AKAP19: variants seen among roughly 807,000 people sequenced by gnomAD.
AKAP19 encodes small A-kinase anchoring protein.
At chr2:190,094,499 C>A in the AKAP19 span, among the ~76,000 whole-genome samples, 5 of 152,320 alleles carry the variant, frequency 3.3e-5, no homozygotes, top group Non-Finnish European at 5.9e-5. Flanking sequence ...TCTTTCCATG[C>A]AGCTTAGGTT....
the AKAP19 span, among the ~76,000 whole-genome samples, chr2:190,092,298 T>G: frequency 3.6e-4 from 55 of 152,318 alleles, no homozygotes; most frequent in Non-Finnish European, 7.4e-4. Flanking sequence ...TGTAAGAGAA[T>G]GTACTTACTG....
the AKAP19 span, among the ~76,000 whole-genome samples, chr2:190,112,690 T>C: frequency 2.0e-5 from 3 of 152,176 alleles, no homozygotes; most frequent in Non-Finnish European, 2.9e-5. Context: ...TTTCTGATTT[T>C]AACCATACTT....
At chr2:189,998,771 C>CTTTTTTTTTTTTTTTTTTTTTTTTTT in the AKAP19 span, among the ~76,000 whole-genome samples, 67 of 97,542 alleles carry the variant, frequency 6.9e-4, no homozygotes, top group Non-Finnish European at 8.2e-4. Context: ...TTCTTTCTTT[C>CTTTTTTTTTTTTTTTTTTTTTTTTTT]TTTTTTTTTT....
At chr2:190,177,026 GTTA>G in the AKAP19 span, among the ~76,000 whole-genome samples, 1 of 152,048 alleles carries the variant, frequency 6.6e-6, no homozygotes, top group East Asian at 1.9e-4. The surrounding 1 kb of genome is among the most constrained non-coding windows in gnomAD (Gnocchi z 4.6). Flanking sequence ...CCAGTGGACT[GTTA>G]TTATATGAGA....
At chr2:189,946,528 C>T in the AKAP19 span, among the ~76,000 whole-genome samples, 1 of 152,132 alleles carries the variant, frequency 6.6e-6, no homozygotes, top group Admixed American at 6.5e-5. Context: ...CTGAAAGTAG[C>T]ATTGGAACAT....
chr2:189,998,711 T>C, the AKAP19 span, among the ~76,000 whole-genome samples: 6 of 151,840 alleles, frequency 4.0e-5, no homozygotes, highest in African/African-American at 1.4e-4. Flanking sequence ...TCAATAATTT[T>C]ATTTATTGCT....
At chr2:189,906,337 A>T in the AKAP19 span, among the ~76,000 whole-genome samples, 1 of 152,132 alleles carries the variant, frequency 6.6e-6, no homozygotes, top group Non-Finnish European at 1.5e-5. Flanking sequence ...AATACAGAAT[A>T]TAAAAGGAGA....
chr2:190,198,631 CAAAAAA>C, the AKAP19 span, among the ~76,000 whole-genome samples: 28 of 70,588 alleles, frequency 4.0e-4, no homozygotes, highest in South Asian at 6.6e-4. Context: ...GACCCTGTCT[CAAAAAA>C]AAAAAAAAAA....
At chr2:189,960,996 A>G in the AKAP19 span, among the ~76,000 whole-genome samples, 1 of 152,234 alleles carries the variant, frequency 6.6e-6, no homozygotes, top group Non-Finnish European at 1.5e-5. Flanking sequence ...ACCAGATTTT[A>G]GAAGTTGGCA....
chr2:190,132,469 A>G, the AKAP19 span, among the ~76,000 whole-genome samples: 2 of 152,250 alleles, frequency 1.3e-5, no homozygotes, highest in East Asian at 3.8e-4. Flanking sequence ...GAGCCCAGAA[A>G]TAAATCCACG....
the AKAP19 span, among the ~76,000 whole-genome samples, chr2:189,975,120 AGTT>A: frequency 6.6e-6 from 1 of 152,132 alleles, no homozygotes; most frequent in South Asian, 2.1e-4. Context: ...GGCTGGTACC[AGTT>A]GTTCCTTTCC....
At chr2:190,100,303 A>T in the AKAP19 span, among the ~76,000 whole-genome samples, 3 of 152,034 alleles carry the variant, frequency 2.0e-5, no homozygotes, top group African/African-American at 7.2e-5. Flanking sequence ...AATCATGCTG[A>T]CTATGTGGAA....
At chr2:190,108,026 A>G in the AKAP19 span, among the ~76,000 whole-genome samples, 3 of 152,218 alleles carry the variant, frequency 2.0e-5, no homozygotes, top group Non-Finnish European at 4.4e-5. Context: ...TGATGACACA[A>G]TCTGGTCCTT....
the AKAP19 span, among the ~76,000 whole-genome samples, chr2:190,165,716 A>G: frequency 6.6e-6 from 1 of 152,196 alleles, no homozygotes; most frequent in South Asian, 2.1e-4. Flanking sequence ...GAATGAGGGG[A>G]GGCAATAGTC....
the AKAP19 span, among the ~76,000 whole-genome samples, chr2:189,888,138 G>A: frequency 6.6e-6 from 1 of 152,140 alleles, no homozygotes; most frequent in African/African-American, 2.4e-5. Flanking sequence ...TTTGTATAAG[G>A]TATAAGGAAG....
chr2:189,947,545 A>G, the AKAP19 span, among the ~76,000 whole-genome samples: 185 of 152,240 alleles, frequency 1.2e-3, 1 homozygote, highest in Middle Eastern at 0.01. Flanking sequence ...CCAATACTGG[A>G]TGTGATCTTG....
chr2:189,912,540 TCAA>T, the AKAP19 span, among the ~76,000 whole-genome samples: 2 of 152,018 alleles, frequency 1.3e-5, no homozygotes, highest in Non-Finnish European at 2.9e-5. Flanking sequence ...AACTCTTGTC[TCAA>T]CAACAACAAT....
the AKAP19 span, among the ~76,000 whole-genome samples, chr2:190,145,877 A>G: frequency 6.7e-6 from 1 of 149,066 alleles, no homozygotes; most frequent in South Asian, 2.1e-4. Flanking sequence ...ATAACTATAT[A>G]TATATATATA....
At chr2:190,070,706 T>G in the AKAP19 span, among the ~76,000 whole-genome samples, 1 of 151,316 alleles carries the variant, frequency 6.6e-6, no homozygotes, top group East Asian at 2.0e-4. Context: ...AAAATCTATG[T>G]TAAATATTGG....
Sources: gnomAD v4.1 joint callset for allele counts (sites outside exome capture counted in the v4.1 genomes callset) on GRCh38, gnomAD v4.1.1 for gene constraint, Gnocchi (gnomAD v3.1) non-coding constraint, MANE v1.5 for transcripts, NCBI Gene and HGNC (gene_info 2026-07-23, HGNC 2026-07-21) for gene names.